EPHA4: variants seen among roughly 807,000 people sequenced by gnomAD.
EPHA4 encodes the protein EPH receptor A4, also known as ephrin type-A receptor 4.
Under a neutral mutation model 108.3 loss-of-function variants are expected in EPHA4, and 19 were observed. The ratio of observed to expected loss-of-function variants is 0.18; its 90% CI spans 0.12 to 0.26. EPHA4 has a LOEUF of 0.26. Ranked by LOEUF, EPHA4 falls within the 10% of genes least tolerant of loss-of-function variation. EPHA4 has a pLI of 1.00. For synonymous variants in EPHA4, 449 were observed against 455.5 expected (o/e 0.99, Z 0.18); for missense variants, 917 against 1,254.0 (o/e 0.73, Z 4.06).
chr2:221,463,409 CA>C (rs1265174094), intron 5 of EPHA4, among the ~76,000 whole-genome samples: 1 of 152,150 alleles, frequency 6.6e-6, no homozygotes. Context: ...ATAGAATCCC[CA>C]TTTGCTATGT....
chr2:221,493,412 T>C (rs1391264860), intron 4 of EPHA4, among the ~76,000 whole-genome samples: 2 of 151,650 alleles, frequency 1.3e-5, no homozygotes, highest in African/African-American at 4.8e-5. Context: ...TGTTTGAAAA[T>C]GGATGTGAGA....
At chr2:221,479,008 T>A (rs1317359162) in intron 5 of EPHA4, among the ~76,000 whole-genome samples, 1 of 152,176 alleles carries the variant, frequency 6.6e-6, no homozygotes, top group Non-Finnish European at 1.5e-5. Context: ...AGGAGTAAGA[T>A]TTGGGTTAGG....
intron 13 of EPHA4, 97 bp downstream of exon 13, chr2:221,436,301 TA>T: frequency 8.4e-7 from 1 of 1,189,458 alleles, no homozygotes; most frequent in Non-Finnish European, 1.2e-6. Flanking sequence ...TGAGAAAACT[TA>T]AAAAATAAAA....
intron 6 of EPHA4, among the ~76,000 whole-genome samples, chr2:221,457,067 T>A (rs976150903): frequency 6.6e-6 from 1 of 152,184 alleles, no homozygotes; most frequent in Admixed American, 6.5e-5. Flanking sequence ...GTGGCTTTTC[T>A]AGTTCCACAC....
In EPHA4 at chr2:221,463,700, T is replaced by C. The variant is rs16862703; in HGVS notation, c.1319-5710A>G. Among the ~76,000 whole-genome samples, 973 of 152,330 alleles carry C rather than the reference T, an allele frequency of 6.4e-3. 13 individuals carry two copies. The highest frequency in any genetic ancestry group is 0.022 in the African/African-American group (909 of 41,576). ...CACTGACGTGAATGCTGCAATTTTC[T>C]TTTATTCACTTCCTCAATGACTTGC... On this transcript the variant is annotated intron_variant, in intron 5 of 17. Transcript: ENST00000281821.
chr2:221,496,356 A>G (rs1202797026), intron 4 of EPHA4, among the ~76,000 whole-genome samples: 1 of 152,186 alleles, frequency 6.6e-6, no homozygotes, highest in Non-Finnish European at 1.5e-5. Flanking sequence ...CTAAATTTCA[A>G]TTTAATGACT....
At chr2:221,523,015 G>A (rs370216629) in intron 3 of EPHA4, among the ~76,000 whole-genome samples, 45 of 151,918 alleles carry the variant, frequency 3.0e-4, no homozygotes, top group African/African-American at 3.9e-4. Context: ...CGCCTGCGTC[G>A]GCCTCCCAAA....
intron 3 of EPHA4, among the ~76,000 whole-genome samples, chr2:221,518,270 G>C (rs778978657): frequency 6.6e-6 from 1 of 152,130 alleles, no homozygotes; most frequent in Non-Finnish European, 1.5e-5. Context: ...CTCACCTCCA[G>C]CTTGTAAGAA....
chr2:221,449,214 C>T (rs1180622195), intron 8 of EPHA4, among the ~76,000 whole-genome samples: 1 of 152,140 alleles, frequency 6.6e-6, no homozygotes, highest in East Asian at 1.9e-4. Flanking sequence ...ATGCCTGTGT[C>T]CTGTTCTACC....
At chr2:221,440,975 C>T (rs538245181) in intron 11 of EPHA4, among the ~76,000 whole-genome samples, 2 of 152,082 alleles carry the variant, frequency 1.3e-5, no homozygotes, top group South Asian at 4.1e-4. Context: ...AACTTACGGG[C>T]CGCACACCAC....
intron 4 of EPHA4, among the ~76,000 whole-genome samples, chr2:221,494,123 C>A (rs1692237158): frequency 6.6e-6 from 1 of 152,192 alleles, no homozygotes; most frequent in Admixed American, 6.5e-5. Flanking sequence ...AAATAAAGAG[C>A]ACCCAAAAGC....
At chr2:221,530,611 G>A (rs1418945255) in intron 3 of EPHA4, among the ~76,000 whole-genome samples, 1 of 152,186 alleles carries the variant, frequency 6.6e-6, no homozygotes, top group African/African-American at 2.4e-5. Context: ...CTTCTTGGGA[G>A]CAGAGAAACC....
At chr2:221,504,979 C>G (rs1200191679) in intron 3 of EPHA4, among the ~76,000 whole-genome samples, 6 of 152,172 alleles carry the variant, frequency 3.9e-5, no homozygotes. Context: ...AGGATCTGGG[C>G]TGGTCCCAAC....
intron 3 of EPHA4, among the ~76,000 whole-genome samples, chr2:221,550,625 G>A (rs1211288866): frequency 6.6e-6 from 1 of 152,074 alleles, no homozygotes; most frequent in Non-Finnish European, 1.5e-5. Context: ...CCATTTTATA[G>A]AAGAGAAAGC....
chr2:221,467,491 T>C, intron 5 of EPHA4, among the ~76,000 whole-genome samples: 1 of 152,194 alleles, frequency 6.6e-6, no homozygotes, highest in South Asian at 2.1e-4. Flanking sequence ...TTTTGCAAAT[T>C]AGAGCTTTTG....
intron 15 of EPHA4, among the ~76,000 whole-genome samples, chr2:221,428,882 A>G (rs762382986): frequency 1.3e-5 from 2 of 152,186 alleles, no homozygotes; most frequent in Non-Finnish European, 2.9e-5. Context: ...TATCTCTACT[A>G]TCTATTCCAC....
At chr2:221,486,515 T>C (rs1691977244) in intron 4 of EPHA4, among the ~76,000 whole-genome samples, 1 of 151,730 alleles carries the variant, frequency 6.6e-6, no homozygotes, top group African/African-American at 2.4e-5. Context: ...TCACCTGAGG[T>C]CAGGAGTTTA....
At chr2:221,484,202 C>T (rs1407150421) in intron 4 of EPHA4, among the ~76,000 whole-genome samples, 2 of 152,014 alleles carry the variant, frequency 1.3e-5, no homozygotes, top group Non-Finnish European at 1.5e-5. Flanking sequence ...AAATGGCTGT[C>T]GAGATAGAAT....
intron 4 of EPHA4, among the ~76,000 whole-genome samples, chr2:221,496,229 G>A (rs564344489): frequency 8.5e-5 from 13 of 152,230 alleles, no homozygotes; most frequent in African/African-American, 3.1e-4. Context: ...CTACAGTATT[G>A]TCCAATAGAA....
Sources: gnomAD v4.1 joint callset for allele counts (sites outside exome capture counted in the v4.1 genomes callset) on GRCh38, gnomAD v4.1.1 for gene constraint, MANE v1.5 for transcripts, NCBI Gene and HGNC (gene_info 2026-07-23, HGNC 2026-07-21) for gene names.